Variants in SYNE1 observed in about 807,000 individuals in gnomAD.
SYNE1 encodes nesprin-1.
Under a neutral mutation model 1,111.0 loss-of-function variants are expected in SYNE1, and 616 were observed. The observed-to-expected ratio is 0.55, with a 90% confidence interval of 0.52 to 0.59. The LOEUF is 0.59. Ranked by LOEUF, SYNE1 falls within the 20% of genes least tolerant of loss-of-function variation. The pLI, the probability that SYNE1 is intolerant of heterozygous loss-of-function variation, is 0.00. For missense variants in SYNE1, 10,006 were observed against 10,417.0 expected, an observed-to-expected ratio of 0.96 and a Z score of 1.72; for synonymous variants, 3,855 against 3,825.8, an observed-to-expected ratio of 1.01 and a Z score of -0.28.
chr6:152,319,249 G>C (rs1390511869), intron 84 of SYNE1, among the ~76,000 whole-genome samples: 2 of 152,180 alleles, frequency 1.3e-5, no homozygotes, highest in Admixed American at 6.5e-5. Context: ...AATGTGTGTA[G>C]AGAAATTCAC....
rs369626489 is a variant in SYNE1, at chr6:152,255,663, G to A, written c.19188C>T (p.Asp6396=). Residue 6396 remains aspartate, a synonymous_variant, in exon 103 of 146, where the codon GAC becomes GAT. Transcript: ENST00000367255. ...GVSATSTWLD[D]VEERLFVATA... ...TGGCAACAAATAAACGTTCTTCAAC[G>A]TCATCCAACCAAGTAGAGGTGGCTG... 1.2e-5 allele frequency: 19 copies of A among 1,614,018 alleles called. No individual in the cohort carries two copies. In the Middle Eastern group the frequency reaches 4.9e-4, roughly 42 times the overall value.
intron 120 of SYNE1, 124 bp downstream of exon 120, chr6:152,218,879 C>T (rs945669579): frequency 3.5e-5 from 36 of 1,031,756 alleles, no homozygotes; most frequent in African/African-American, 3.1e-4. Flanking sequence ...AGTTTGTTTA[C>T]TTGCTATTTT....
intron 8 of SYNE1, among the ~76,000 whole-genome samples, chr6:152,508,846 A>G (rs554569427): frequency 6.6e-6 from 1 of 152,396 alleles, no homozygotes; most frequent in African/African-American, 2.4e-5. Flanking sequence ...AGCCCAAATT[A>G]GAAAACCAGC....
intron 2 of SYNE1, among the ~76,000 whole-genome samples, chr6:152,630,129 T>TAA (rs543594194): frequency 2.2e-5 from 3 of 138,728 alleles, no homozygotes; most frequent in African/African-American, 2.6e-5. Context: ...GCCTATTATC[T>TAA]AAAAAAAAAA....
At chr6:152,278,911 A>C (rs1020431174) in intron 97 of SYNE1, among the ~76,000 whole-genome samples, 3 of 151,806 alleles carry the variant, frequency 2.0e-5, no homozygotes, top group African/African-American at 7.3e-5. Flanking sequence ...GGGATCACAG[A>C]CATGTGACAC....
In SYNE1 at chr6:152,213,599, T is replaced by C. The variant is rs1181439694; in HGVS notation, c.22494+13A>G. On this transcript the variant is annotated intron_variant, in intron 123 of 145. Transcript: ENST00000367255. ...AATTTCTTATTACCCCCAAATCTAC[T>C]GATACAACTTACCTCGTGTGCTCTC... 5 of 1,613,942 alleles carry C rather than the reference T, an allele frequency of 3.1e-6. No individual in the cohort carries two copies. In the South Asian group the frequency reaches 3.3e-5, roughly 11 times the overall value.
At position 152,609,137 on chromosome 6, in the gene SYNE1, C is replaced by T. The variant is rs147407493; in HGVS notation, c.67+19128G>A. ...CTGGTTGGACAGCAGGTGCAGCCCACGGAGGGTGAGCTGACGAAGCAGGGT... is the reference window on the plus strand; with the variant it reads ...CTGGTTGGACAGCAGGTGCAGCCCATGGAGGGTGAGCTGACGAAGCAGGGT... On this transcript the variant is annotated intron_variant, in intron 3 of 145. Coordinates refer to ENST00000367255, the MANE Select transcript of SYNE1 (RefSeq NM_182961.4). Among the ~76,000 whole-genome samples the T allele has an allele frequency of 2.7e-3, 411 of 152,008 alleles. 2 individuals carry two copies. Among genetic ancestry groups the T allele is most frequent in the African/African-American group, 9.3e-3 (386 of 41,502 alleles).
chr6:152,632,842 A>G (rs2099700149), intron 2 of SYNE1, among the ~76,000 whole-genome samples: 1 of 152,206 alleles, frequency 6.6e-6, no homozygotes, highest in South Asian at 2.1e-4. Context: ...GGCATGTAGC[A>G]GAGTTTCAGC....
In SYNE1 at chr6:152,330,975, A is replaced by G. The variant is rs563207771; in HGVS notation, c.13710T>C (p.Asp4570=). The part of the protein sequence containing the change: ...NLVSRKHFKE[D]FDKACHWLKQ... The stretch of plus-strand genomic sequence containing the variant: ...TTAGCCAGTGGCAAGCTTTATCAAA[A>G]TCTTCCTTAAAATGCTTCCTAGAAA... Residue 4570 remains aspartate (D), a synonymous_variant, in exon 78 of 146, where the codon GAT becomes GAC. Transcript: ENST00000367255. The G allele has an allele frequency of 2.8e-5, 45 of 1,614,192 alleles. No individual in the cohort carries two copies. In the Middle Eastern group the frequency reaches 6.6e-4, roughly 24 times the overall value.
intron 3 of SYNE1, among the ~76,000 whole-genome samples, chr6:152,541,536 C>G (rs1479847112): frequency 3.9e-5 from 6 of 151,966 alleles, no homozygotes; most frequent in African/African-American, 7.3e-5. Context: ...ATTACGAGGT[C>G]AGGAGGTCAA....
intron 135 of SYNE1, 113 bp downstream of exon 135, chr6:152,151,440 C>T: frequency 1.4e-6 from 2 of 1,381,680 alleles, no homozygotes; most frequent in African/African-American, 1.4e-5. Context: ...TTTTGCAGTC[C>T]AGAACTAATT....
intron 18 of SYNE1, chr6:152,464,998 TC>T (rs2098755877): frequency 2.0e-6 from 1 of 508,646 alleles, no homozygotes. Context: ...CCCTAGACAC[TC>T]CCCTTCATAG....
intron 4 of SYNE1, among the ~76,000 whole-genome samples, chr6:152,527,870 G>A (rs529003639): frequency 1.3e-5 from 2 of 152,198 alleles, no homozygotes; most frequent in African/African-American, 2.4e-5. Flanking sequence ...TGAGGAACAC[G>A]TCCTCTCACC....
chr6:152,634,615 C>T (rs990490231), intron 2 of SYNE1, among the ~76,000 whole-genome samples: 3 of 152,118 alleles, frequency 2.0e-5, no homozygotes, highest in Non-Finnish European at 2.9e-5. Flanking sequence ...GTTTCTTATT[C>T]ACTAGTATGA....
At chr6:152,152,597 T>C (rs1441697156) in intron 133 of SYNE1, among the ~76,000 whole-genome samples, 1 of 152,224 alleles carries the variant, frequency 6.6e-6, no homozygotes, top group Non-Finnish European at 1.5e-5. Context: ...AACTGTTTAT[T>C]TGTAAAATAT....
At chr6:152,522,430 T>C (rs988336955) in intron 5 of SYNE1, among the ~76,000 whole-genome samples, 2 of 152,124 alleles carry the variant, frequency 1.3e-5, no homozygotes, top group African/African-American at 4.8e-5. Context: ...TGGTTGTATA[T>C]ATATCACGTT....
At chr6:152,397,069 T>C (rs549519408) in intron 49 of SYNE1, 89 bp from the exon 50 acceptor site, 3 of 1,380,282 alleles carry the variant, frequency 2.2e-6, no homozygotes, top group South Asian at 2.3e-5. Flanking sequence ...AAAAACAGAG[T>C]CCAAAGGAAA....
At chr6:152,220,799 T>C in intron 119 of SYNE1, 43 bp downstream of exon 119, 1 of 1,581,348 alleles carries the variant, frequency 6.3e-7, no homozygotes, top group Non-Finnish European at 8.7e-7. Context: ...TTGGGCAGTC[T>C]AAGAAGGGCA....
chr6:152,177,698 G>C (rs370070122), intron 129 of SYNE1, among the ~76,000 whole-genome samples: 1 of 152,092 alleles, frequency 6.6e-6, no homozygotes, highest in African/African-American at 2.4e-5. Flanking sequence ...AGACCAATAC[G>C]TTGAATGTAT....
Sources: allele counts gnomAD v4.1 joint callset (sites outside exome capture counted in the v4.1 genomes callset), GRCh38; gene constraint gnomAD v4.1.1; transcripts MANE v1.5; gene names NCBI Gene and HGNC (gene_info 2026-07-23, HGNC 2026-07-21).